Variants in PSD3 observed in about 807,000 individuals in gnomAD.
PSD3 encodes pleckstrin and Sec7 domain containing 3, also known as PH and SEC7 domain-containing protein 3.
PSD3 carries 49 observed loss-of-function variants against 105.5 expected under a neutral mutation model. That is an observed-to-expected ratio of 0.46 (90% CI 0.37 to 0.59). The LOEUF is 0.59. PSD3 is among the 20% of genes least tolerant of loss of function. The pLI is 0.00. For missense variants in PSD3, 1,561 were observed against 1,263.8 expected (o/e 1.24, Z -3.57); for synonymous variants, 557 against 457.8 (o/e 1.22, Z -2.77).
At chr8:18,562,653 C>T (rs533260143) in intron 14 of PSD3, among the ~76,000 whole-genome samples, 41 of 152,282 alleles carry the variant, frequency 2.7e-4, no homozygotes, top group Non-Finnish European at 4.9e-4. Flanking sequence ...CTTTAAGAGG[C>T]TGAGATGGGC....
At chr8:18,649,131 G>A (rs1407075023) in intron 10 of PSD3, among the ~76,000 whole-genome samples, 1 of 152,126 alleles carries the variant, frequency 6.6e-6, no homozygotes, top group East Asian at 1.9e-4. Context: ...GTGAGAAGAG[G>A]GCTACCATCC....
intron 12 of PSD3, among the ~76,000 whole-genome samples, chr8:18,586,999 A>C (rs532196074): frequency 6.6e-6 from 1 of 152,154 alleles, no homozygotes; most frequent in Admixed American, 6.6e-5. Flanking sequence ...CAGGAGGCCA[A>C]ATGAGTGAGC....
At chr8:18,612,275 T>G (rs1805321668) in intron 11 of PSD3, among the ~76,000 whole-genome samples, 1 of 152,218 alleles carries the variant, frequency 6.6e-6, no homozygotes, top group African/African-American at 2.4e-5. Context: ...AAAATTGGAT[T>G]CTGATGCTTT....
intron 1 of PSD3, among the ~76,000 whole-genome samples, chr8:19,021,433 C>T (rs1827357299): frequency 6.6e-6 from 1 of 151,914 alleles, no homozygotes; most frequent in African/African-American, 2.4e-5. Flanking sequence ...GTTACTAATA[C>T]TCACTCCCAA....
intron 9 of PSD3, among the ~76,000 whole-genome samples, chr8:18,757,603 T>C (rs1305250758): frequency 6.6e-6 from 1 of 152,250 alleles, no homozygotes; most frequent in African/African-American, 2.4e-5. Flanking sequence ...TAGGAAGCTC[T>C]AAATAATTCA....
chr8:18,657,560 AT>A (rs1808993152), intron 9 of PSD3, among the ~76,000 whole-genome samples: 1 of 152,228 alleles, frequency 6.6e-6, no homozygotes, highest in African/African-American at 2.4e-5. Flanking sequence ...TATGCTATAA[AT>A]TGCATATTTG....
chr8:18,718,718 T>C (rs546477884), intron 9 of PSD3, among the ~76,000 whole-genome samples: 4 of 152,082 alleles, frequency 2.6e-5, no homozygotes, highest in East Asian at 1.9e-4. Context: ...AGATGACATA[T>C]GGTACAAGAA....
At chr8:18,870,573 T>C (rs890509536) in intron 3 of PSD3, among the ~76,000 whole-genome samples, 5 of 151,788 alleles carry the variant, frequency 3.3e-5, no homozygotes, top group African/African-American at 1.2e-4. Context: ...GAGAAATACC[T>C]AATGTAGATG....
At chr8:18,621,895 T>C (rs1806143220) in intron 11 of PSD3, among the ~76,000 whole-genome samples, 1 of 152,368 alleles carries the variant, frequency 6.6e-6, no homozygotes, top group East Asian at 1.9e-4. Context: ...TGTTACACGA[T>C]AGCAAAGAAT....
intron 12 of PSD3, among the ~76,000 whole-genome samples, chr8:18,587,441 T>A (rs928543052): frequency 1.3e-5 from 2 of 152,214 alleles, no homozygotes; most frequent in Non-Finnish European, 2.9e-5. Context: ...ATCATCTTTC[T>A]ACTGCTTGCT....
intron 1 of PSD3, among the ~76,000 whole-genome samples, chr8:18,939,749 G>C (rs1212769747): frequency 1.3e-5 from 2 of 152,148 alleles, no homozygotes; most frequent in Non-Finnish European, 2.9e-5. Flanking sequence ...AATTTTATCA[G>C]ACTATCAAGA....
At chr8:18,888,801 T>C (rs554869379) in intron 2 of PSD3, among the ~76,000 whole-genome samples, 2 of 152,294 alleles carry the variant, frequency 1.3e-5, no homozygotes, top group East Asian at 3.9e-4. Flanking sequence ...AAGCTGGATT[T>C]GTTGGGCAAG....
intron 2 of PSD3, among the ~76,000 whole-genome samples, chr8:18,910,746 G>GAAAT (rs1820164759): frequency 6.7e-6 from 1 of 150,118 alleles, no homozygotes; most frequent in Admixed American, 6.7e-5. Flanking sequence ...GATCCATAAA[G>GAAAT]AAATGGTCAG....
Position 19,067,595 on chromosome 8 carries a change from G to C in PSD3, c.324+16611C>G, listed in dbSNP as rs182804411. 1.7e-3 allele frequency among the ~76,000 whole-genome samples: 266 copies of C among 152,288 alleles called. 1 individual carries two copies. The highest frequency in any genetic ancestry group is 6.2e-3 in the African/African-American group (256 of 41,564). On this transcript the variant is annotated intron_variant, in intron 1 of 1. Transcript: ENST00000521475. ...AGAACCAGAAGGTGGAACCACAGTCGGGTGGTTCAGGCACAGAGGCTTCCC... is the reference window on the plus strand; with the variant it reads ...AGAACCAGAAGGTGGAACCACAGTCCGGTGGTTCAGGCACAGAGGCTTCCC...
chr8:18,781,925 A>C (rs1808675324), intron 8 of PSD3, among the ~76,000 whole-genome samples: 1 of 151,854 alleles, frequency 6.6e-6, no homozygotes, highest in Non-Finnish European at 1.5e-5. Flanking sequence ...ATTTCAAAAG[A>C]CCTGTCTTCA....
At position 19,002,869 on chromosome 8, in the gene PSD3, C is replaced by G. The variant is rs188403847; in HGVS notation, c.21+10694G>C. Among the ~76,000 whole-genome samples, 232 of 152,118 alleles carry G rather than the reference C, an allele frequency of 1.5e-3. 1 individual carries two copies. Among genetic ancestry groups the G allele is most frequent in the African/African-American group, 5.5e-3 (228 of 41,546 alleles). On this transcript the variant is annotated intron_variant, in intron 1 of 15. Transcript: ENST00000327040. ...TTCTCCTGGCTTCCATAAAGCACAC[C>G]TGTAGGCAATCACAGTCTAGGGTAC...
chr8:18,830,367 GGT>G (rs539448559), intron 4 of PSD3, among the ~76,000 whole-genome samples: 1 of 152,124 alleles, frequency 6.6e-6, no homozygotes, highest in Non-Finnish European at 1.5e-5. Context: ...AGTTATATTT[GGT>G]GTTCCCAATT....
intron 9 of PSD3, among the ~76,000 whole-genome samples, chr8:18,667,641 G>A (rs571770194): frequency 1.8e-4 from 28 of 152,196 alleles, no homozygotes; most frequent in African/African-American, 6.5e-4. Context: ...TGAACCAGGC[G>A]GCAGGCAGAG....
chr8:18,952,906 G>A (rs773293615), intron 1 of PSD3, among the ~76,000 whole-genome samples: 11 of 152,058 alleles, frequency 7.2e-5, no homozygotes, highest in Non-Finnish European at 1.3e-4. Flanking sequence ...GACCACCACA[G>A]GTCTGACAGT....
Sources: allele counts gnomAD v4.1 joint callset (sites outside exome capture counted in the v4.1 genomes callset), GRCh38; gene constraint gnomAD v4.1.1; transcripts MANE v1.5; gene names NCBI Gene and HGNC (gene_info 2026-07-23, HGNC 2026-07-21).